Variants in MATCAP2 observed in about 807,000 individuals in gnomAD.
MATCAP2 encodes the protein microtubule associated tyrosine carboxypeptidase 2, also known as putative tyrosine carboxypeptidase MATCAP2.
the MATCAP2 span, among the ~76,000 whole-genome samples, chr7:36,387,882 G>A: frequency 1.7e-4 from 26 of 151,930 alleles, no homozygotes; most frequent in Non-Finnish European, 3.1e-4. Flanking sequence ...TTTAAAACAC[G>A]CATACACACA....
chr7:36,389,948 AC>A, the MATCAP2 span: 1 of 1,613,498 alleles, frequency 6.2e-7, no homozygotes, highest in Non-Finnish European at 8.5e-7. Context: ...TCCAGGAGAC[AC>A]ACTGAGCTGA....
chr7:36,348,923 C>T, the MATCAP2 span, among the ~76,000 whole-genome samples: 5 of 152,096 alleles, frequency 3.3e-5, no homozygotes, highest in Admixed American at 2.0e-4. Context: ...TTATTCAGTG[C>T]CAGGAACTGC....
chr7:36,367,891 C>A, the MATCAP2 span, among the ~76,000 whole-genome samples: 1 of 152,060 alleles, frequency 6.6e-6, no homozygotes, highest in Admixed American at 6.6e-5. Context: ...TGGCGAAAAC[C>A]CATCTCTACT....
chr7:36,367,258 C>T, the MATCAP2 span: 2 of 1,070,700 alleles, frequency 1.9e-6, no homozygotes, highest in East Asian at 6.1e-5. Flanking sequence ...GGGGTCCGCG[C>T]GCGCTGCGCT....
chr7:36,330,923 G>T, the MATCAP2 span: 2 of 965,066 alleles, frequency 2.1e-6, no homozygotes, highest in Non-Finnish European at 3.3e-6. Context: ...TGCTAAGCTT[G>T]AGTGAGGGGA....
At chr7:36,327,068 A>G in the MATCAP2 span, 1 of 645,010 alleles carries the variant, frequency 1.6e-6, no homozygotes, top group Non-Finnish European at 2.6e-6. Context: ...AGTGACTTAC[A>G]TTTTCTTCAC....
At chr7:36,335,027 T>C in the MATCAP2 span, 1 of 1,586,268 alleles carries the variant, frequency 6.3e-7, no homozygotes, top group Non-Finnish European at 8.6e-7. Flanking sequence ...AATAAACAAA[T>C]GGAAAGGATT....
the MATCAP2 span, among the ~76,000 whole-genome samples, chr7:36,375,491 C>A: frequency 6.6e-6 from 1 of 152,112 alleles, no homozygotes; most frequent in Admixed American, 6.5e-5. Context: ...TTCGGTTTGC[C>A]AGTATTTTAT....
At chr7:36,356,002 C>T in the MATCAP2 span, 1 of 152,158 alleles carries the variant, frequency 6.6e-6, no homozygotes, top group South Asian at 2.1e-4. Context: ...TCATAATTTG[C>T]TAAACTTGAA....
chr7:36,375,786 G>A, the MATCAP2 span, among the ~76,000 whole-genome samples: 1 of 152,156 alleles, frequency 6.6e-6, no homozygotes, highest in Middle Eastern at 3.2e-3. Flanking sequence ...GGTCTATTCA[G>A]GGATTCAACT....
At chr7:36,328,811 C>T in the MATCAP2 span, among the ~76,000 whole-genome samples, 4 of 151,590 alleles carry the variant, frequency 2.6e-5, no homozygotes, top group Non-Finnish European at 4.4e-5. Flanking sequence ...TTTGGGAGGC[C>T]GAGGCAGGCG....
the MATCAP2 span, chr7:36,357,531 A>C: frequency 6.2e-7 from 1 of 1,614,120 alleles, no homozygotes; most frequent in South Asian, 1.1e-5. Flanking sequence ...ATGATCAATG[A>C]ATCTTCTGCA....
chr7:36,389,791 G>A, the MATCAP2 span: 4 of 694,078 alleles, frequency 5.8e-6, no homozygotes, highest in South Asian at 2.2e-5. Flanking sequence ...GGGAGAGGGC[G>A]CCCCGGCTCC....
the MATCAP2 span, among the ~76,000 whole-genome samples, chr7:36,328,249 G>GC: frequency 5.8e-3 from 672 of 116,612 alleles, 95 homozygotes; most frequent in African/African-American, 0.02. Flanking sequence ...TAGGGGGGGG[G>GC]GGTCTTGCTA....
the MATCAP2 span, among the ~76,000 whole-genome samples, chr7:36,381,642 G>A: frequency 6.8e-6 from 1 of 148,094 alleles, no homozygotes; most frequent in Non-Finnish European, 1.5e-5. Flanking sequence ...CTGCACTCCA[G>A]TCTAGGTGAC....
chr7:36,346,882 T>C, the MATCAP2 span, among the ~76,000 whole-genome samples: 15 of 152,200 alleles, frequency 9.9e-5, no homozygotes, highest in Admixed American at 7.2e-4. Flanking sequence ...TGCCTCAGCC[T>C]CCTGAGTAGC....
At chr7:36,375,989 A>G in the MATCAP2 span, among the ~76,000 whole-genome samples, 1 of 151,524 alleles carries the variant, frequency 6.6e-6, no homozygotes, top group Admixed American at 6.6e-5. Context: ...TTTCTTCTTT[A>G]TTAGTCTTGC....
At chr7:36,350,532 C>CTT in the MATCAP2 span, among the ~76,000 whole-genome samples, 4 of 117,682 alleles carry the variant, frequency 3.4e-5, no homozygotes, top group Admixed American at 1.9e-4. Context: ...GACTGTGTTC[C>CTT]TTTTTTTTTT....
chr7:36,378,520 G>T, the MATCAP2 span, among the ~76,000 whole-genome samples: 13 of 152,338 alleles, frequency 8.5e-5, no homozygotes, highest in African/African-American at 3.1e-4. Flanking sequence ...GACCCCTACT[G>T]GGAGATGTCT....
Sources: gnomAD v4.1 joint callset for allele counts (sites outside exome capture counted in the v4.1 genomes callset) on GRCh38, gnomAD v4.1.1 for gene constraint, MANE v1.5 for transcripts, NCBI Gene and HGNC (gene_info 2026-07-23, HGNC 2026-07-21) for gene names.